The following CACHD1 variants were observed in gnomAD, a reference collection of about 807,000 sequenced individuals.
The protein encoded by CACHD1 is VWFA and cache domain-containing protein 1.
Under a neutral mutation model 138.7 loss-of-function variants are expected in CACHD1, and 71 were observed. The observed-to-expected ratio is 0.51, with a 90% CI of 0.42 to 0.62. The LOEUF (loss-of-function observed/expected upper bound fraction) is 0.62, where lower values mean the gene tolerates loss of function less well. CACHD1 is among the 20% of genes least tolerant of loss of function. The probability of loss-of-function intolerance (pLI) is 0.00; values close to 1 mark genes in which losing one functional copy is unlikely to be tolerated. For synonymous variants in CACHD1, 578 were observed against 591.5 expected (o/e 0.98, Z 0.33); for missense variants, 1,389 against 1,625.3 (o/e 0.85, Z 2.50).
chr1:64,653,318 C>T (rs1649157258), intron 10 of CACHD1, among the ~76,000 whole-genome samples: 1 of 144,046 alleles, frequency 6.9e-6, no homozygotes, highest in Non-Finnish European at 1.5e-5. Context: ...ATCTGTACAA[C>T]AAACCCCCGT....
At chr1:64,616,855 C>T (rs1647726382) in intron 4 of CACHD1, among the ~76,000 whole-genome samples, 1 of 152,112 alleles carries the variant, frequency 6.6e-6, no homozygotes, top group Non-Finnish European at 1.5e-5. Flanking sequence ...AACAAAATGG[C>T]TAGATGCAGG....
rs555853637 is a variant in CACHD1, at chr1:64,630,489, C to T, written c.644+1008C>T. On this transcript the variant is annotated intron_variant, in intron 5 of 26. Transcript: ENST00000651257. Reference sequence around the variant, plus strand: ...CTAATTTTTGTATTTTTAGTAGAGACGAAGTTTTGCCATGTTGGCCAGGCT... The same window carrying T: ...CTAATTTTTGTATTTTTAGTAGAGATGAAGTTTTGCCATGTTGGCCAGGCT... Among the ~76,000 whole-genome samples the T allele has an allele frequency of 8.5e-5, 13 of 152,120 alleles. No individual in the cohort carries two copies. In the South Asian group the frequency reaches 1.9e-3, roughly 22 times the overall value.
At chr1:64,481,185 A>G (rs1288822018) in intron 1 of CACHD1, among the ~76,000 whole-genome samples, 1 of 152,174 alleles carries the variant, frequency 6.6e-6, no homozygotes, top group Non-Finnish European at 1.5e-5. Context: ...AGTGGAAGCC[A>G]GGGGAGTAAA....
intron 2 of CACHD1, among the ~76,000 whole-genome samples, chr1:64,571,423 A>G (rs1400699326): frequency 6.6e-6 from 1 of 152,226 alleles, no homozygotes; most frequent in Admixed American, 6.5e-5. Context: ...GCACAATGAT[A>G]TATTTCATTC....
At chr1:64,482,323 GCTTTAATTGATTGGCTCT>G (rs1557457130) in intron 1 of CACHD1, among the ~76,000 whole-genome samples, 1 of 151,986 alleles carries the variant, frequency 6.6e-6, no homozygotes, top group East Asian at 1.9e-4. Context: ...AACACAATCC[GCTTTAATTGATTGGCTCT>G]CTCTAAAGCC....
chr1:64,480,717 C>T (rs1646205142), intron 1 of CACHD1, among the ~76,000 whole-genome samples: 1 of 150,144 alleles, frequency 6.7e-6, no homozygotes, highest in Non-Finnish European at 1.5e-5. Context: ...TTTAAAAATA[C>T]TTTAGAGGAG....
At chr1:64,658,092 A>G (rs145640486) in intron 12 of CACHD1, among the ~76,000 whole-genome samples, 2 of 152,334 alleles carry the variant, frequency 1.3e-5, no homozygotes, top group Non-Finnish European at 2.9e-5. Context: ...CATGGTCTGC[A>G]ATGACAAATC....
intron 2 of CACHD1, among the ~76,000 whole-genome samples, chr1:64,552,742 G>A (rs546637064): frequency 4.6e-5 from 7 of 152,288 alleles, no homozygotes; most frequent in African/African-American, 1.4e-4. Context: ...GCCTTCCAAA[G>A]TGCTGGGATT....
chr1:64,647,239 A>C (rs1648938346), intron 8 of CACHD1, among the ~76,000 whole-genome samples: 1 of 152,214 alleles, frequency 6.6e-6, no homozygotes, highest in Non-Finnish European at 1.5e-5. Flanking sequence ...TCAAGCATGA[A>C]TATGTTTATA....
Position 64,692,242 on chromosome 1 carries a change from T to C in CACHD1, c.*681T>C, listed in dbSNP as rs886605853. 6.6e-6 allele frequency: 1 copy of C among 152,414 alleles called. No homozygotes were observed. The highest frequency in any genetic ancestry group is 2.4e-5 in the African/African-American group (1 of 41,450). 9.4% of individuals were successfully genotyped at this position (152,414 alleles called of 1,614,324 possible). A position where few individuals can be genotyped will look rare whatever the true frequency, so the allele number is the denominator to read the frequency against. ...TTGATTAAGGAGCTCTATTTCTTAT[T>C]TAACTGATATCCCACTGCCCCACTC... On this transcript the variant is annotated 3_prime_UTR_variant, in exon 27 of 27. Coordinates refer to ENST00000651257, the MANE Select transcript of CACHD1 (RefSeq NM_020925.4).
chr1:64,484,371 A>G (rs1322840816), intron 1 of CACHD1, among the ~76,000 whole-genome samples: 3 of 151,980 alleles, frequency 2.0e-5, no homozygotes, highest in Non-Finnish European at 4.4e-5. Flanking sequence ...GTCTTGAGAG[A>G]CAGGACCTTG....
At chr1:64,593,162 C>A (rs1409089897) in intron 3 of CACHD1, among the ~76,000 whole-genome samples, 1 of 152,184 alleles carries the variant, frequency 6.6e-6, no homozygotes, top group Non-Finnish European at 1.5e-5. Flanking sequence ...GATTAACCTG[C>A]AGCACCATTT....
intron 1 of CACHD1, among the ~76,000 whole-genome samples, chr1:64,521,801 T>C (rs1420620265): frequency 6.6e-6 from 1 of 152,238 alleles, no homozygotes; most frequent in Non-Finnish European, 1.5e-5. Flanking sequence ...TCTATTCAGA[T>C]TCTTTGCCTA....
At chr1:64,644,864 G>A (rs36067505) in intron 8 of CACHD1, among the ~76,000 whole-genome samples, 11,432 of 152,284 alleles carry the variant, frequency 0.075, 623 homozygotes, top group Admixed American at 0.18. Flanking sequence ...TTGGGATGCC[G>A]AGGCAGGCGG....
Position 64,675,576 on chromosome 1 carries a change from G to A in CACHD1, c.2888+15G>A. On this transcript the variant is annotated intron_variant, in intron 20 of 26. Transcript: ENST00000651257. ...AACTGTCACCGGTAAAAATGCAATG[G>A]GTCATATTCTGTGTTCACCACACTG... 6.3e-7 allele frequency: 1 copy of A among 1,598,146 alleles called. No individual in the cohort carries two copies. The highest frequency in any genetic ancestry group is 1.7e-5 in the Admixed American group (1 of 59,820).
intron 16 of CACHD1, among the ~76,000 whole-genome samples, chr1:64,670,647 TA>T (rs1251775734): frequency 4.6e-5 from 7 of 152,178 alleles, no homozygotes; most frequent in African/African-American, 1.7e-4. Flanking sequence ...TCTGAAAGAG[TA>T]ATAAGTTTAT....
chr1:64,630,569 C>T (rs1448588490), intron 5 of CACHD1, among the ~76,000 whole-genome samples: 1 of 152,154 alleles, frequency 6.6e-6, no homozygotes, highest in African/African-American at 2.4e-5. Flanking sequence ...CAGGCATGAG[C>T]CACCGTGCCC....
chr1:64,647,321 G>T (rs1047153915), intron 8 of CACHD1, among the ~76,000 whole-genome samples: 2 of 152,186 alleles, frequency 1.3e-5, no homozygotes, highest in African/African-American at 2.4e-5. Flanking sequence ...TCATTTAGTT[G>T]CATGGCAGCT....
chr1:64,506,514 G>A (rs1646378319), intron 1 of CACHD1: 1 of 152,250 alleles, frequency 6.6e-6, no homozygotes, highest in African/African-American at 2.4e-5. Flanking sequence ...TAATGCAGAG[G>A]AGGATTATGG....
Sources: gnomAD v4.1 joint callset for allele counts (sites outside exome capture counted in the v4.1 genomes callset) on GRCh38, gnomAD v4.1.1 for gene constraint, MANE v1.5 for transcripts, NCBI Gene and HGNC (gene_info 2026-07-23, HGNC 2026-07-21) for gene names.